Variants in MAST4 observed in about 807,000 individuals in gnomAD.
MAST4 encodes microtubule associated serine/threonine kinase family member 4, also known as microtubule-associated serine/threonine-protein kinase 4.
Under a neutral mutation model 162.7 loss-of-function variants are expected in MAST4, and 89 were observed. That is an observed-to-expected ratio of 0.55 (90% confidence interval 0.46 to 0.65). MAST4 has a LOEUF of 0.65. MAST4 is among the 30% of genes least tolerant of loss of function. The pLI, the probability that MAST4 is intolerant of heterozygous loss-of-function variation, is 0.00. For synonymous variants in MAST4, 1,479 were observed against 1,361.1 expected (o/e 1.09, Z -1.91); for missense variants, 3,153 against 3,374.0 (o/e 0.93, Z 1.62).
rs538274808 is a variant in MAST4, at chr5:66,954,900, C to CA, written c.674+54928dup. 6.7e-4 allele frequency among the ~76,000 whole-genome samples: 94 copies of CA among 139,422 alleles called. 1 individual carries two copies. Among genetic ancestry groups the CA allele is most frequent in the South Asian group, 1.5e-3 (7 of 4,560 alleles). 91.5% of individuals were successfully genotyped at this position (139,422 alleles called of 152,430 possible). On this transcript the variant is annotated intron_variant, in intron 4 of 28. Transcript: ENST00000403625. ...TGGGCAACAGAGCAAGACTCTGTCT[C>CA]AAAAAAAAAAGGGAGAAAGGCCAGA...
intron 3 of MAST4, among the ~76,000 whole-genome samples, chr5:66,791,957 T>C (rs1393607511): frequency 6.6e-6 from 1 of 152,214 alleles, no homozygotes; most frequent in Non-Finnish European, 1.5e-5. Context: ...TATTTTGACG[T>C]GTCACTCAAG....
rs369887599 is a variant in MAST4, at chr5:67,149,503, G to A, written c.3209G>A (p.Arg1070Gln). ...SEPASHMARQRLESTEKKKIS... is the reference protein window; with the variant it reads ...SEPASHMARQQLESTEKKKIS... ...CCCGCTTCTCACATGGCTCGGCAGC[G>A]ATTAGAAAGCACAGAAAAAAAGAAA... The change falls in exon 24 of 29, where the codon CGA becomes CAA. Residue 1070 changes from arginine (R) to glutamine (Q), a missense_variant. Arg to Gln is a conservative substitution (Grantham distance 43). Around this residue, in one of 7 missense-constraint regions of MAST4, gnomAD observed 619 missense variants for 744.2 expected, o/e 0.83. Transcript: ENST00000403625. 36 of 1,613,600 alleles carry A rather than the reference G, an allele frequency of 2.2e-5. No individual in the cohort carries two copies. Among genetic ancestry groups the A allele is most frequent in the South Asian group, 1.1e-4 (10 of 90,970 alleles).
intron 4 of MAST4, among the ~76,000 whole-genome samples, chr5:67,046,913 A>G (rs1757438104): frequency 6.6e-6 from 1 of 152,154 alleles, no homozygotes; most frequent in South Asian, 2.1e-4. Context: ...GTATCAAGCC[A>G]ATAAGGTCAA....
intron 1 of MAST4, among the ~76,000 whole-genome samples, chr5:66,711,791 T>C (rs1340356103): frequency 1.3e-5 from 2 of 152,174 alleles, no homozygotes; most frequent in African/African-American, 4.8e-5. Context: ...GCCGAGATCA[T>C]GCCATTGCAC....
At chr5:66,736,761 A>C (rs1315167022) in intron 1 of MAST4, among the ~76,000 whole-genome samples, 1 of 152,194 alleles carries the variant, frequency 6.6e-6, no homozygotes, top group Non-Finnish European at 1.5e-5. Flanking sequence ...ATGGTGTGAT[A>C]CACAGAGATG....
chr5:66,828,694 C>A (rs1464933932), intron 3 of MAST4: 2 of 1,202,552 alleles, frequency 1.7e-6, no homozygotes, highest in Admixed American at 4.5e-5. Flanking sequence ...GAGTGAATAA[C>A]TAAGCTGGAC....
At chr5:67,046,164 T>C (rs1450831768) in intron 4 of MAST4, among the ~76,000 whole-genome samples, 1 of 152,054 alleles carries the variant, frequency 6.6e-6, no homozygotes, top group Admixed American at 6.5e-5. Context: ...CCATCTAGGT[T>C]TGTGTAAGCG....
At chr5:67,006,964 C>T (rs1752111488) in intron 4 of MAST4, among the ~76,000 whole-genome samples, 1 of 152,092 alleles carries the variant, frequency 6.6e-6, no homozygotes, top group Non-Finnish European at 1.5e-5. Flanking sequence ...TTATGACAGC[C>T]TGTTTGTTGC....
rs80227292 is a variant in MAST4 at position 66,792,388 on chromosome 5, C to T, written c.642+3594C>T. ...TCGTTTTTGTTCTTTGTGTTTATGT[C>T]GAATACCTCCCTGCTAGACTGCAAG... On this transcript the variant is annotated intron_variant, in intron 3 of 28. Transcript: ENST00000403625. 646 of 167,496 alleles carry T rather than the reference C, an allele frequency of 3.9e-3. 16 individuals are homozygous for T. In the East Asian group the frequency reaches 0.04, roughly 10 times the overall value. The allele number at this position is 167,496 out of a possible 1,614,324, so 10.4% of individuals were successfully genotyped here.
At chr5:67,068,256 G>A (rs1437763119) in intron 5 of MAST4, among the ~76,000 whole-genome samples, 1 of 152,182 alleles carries the variant, frequency 6.6e-6, no homozygotes, top group African/African-American at 2.4e-5. Context: ...TTCTCATGCT[G>A]CTATGAAGAA....
At chr5:66,747,598 G>A (rs534738068) in intron 1 of MAST4, among the ~76,000 whole-genome samples, 1 of 152,148 alleles carries the variant, frequency 6.6e-6, no homozygotes, top group Non-Finnish European at 1.5e-5. Context: ...GATTCTATCT[G>A]TGCTCTTCCT....
intron 1 of MAST4, among the ~76,000 whole-genome samples, chr5:66,687,541 T>G (rs780624647): frequency 7.9e-5 from 12 of 151,956 alleles, no homozygotes; most frequent in Non-Finnish European, 1.3e-4. Context: ...TATATATGTA[T>G]GTATACATAT....
chr5:66,946,631 A>G (rs1201279092), intron 4 of MAST4, among the ~76,000 whole-genome samples: 1 of 152,194 alleles, frequency 6.6e-6, no homozygotes, highest in East Asian at 1.9e-4. Flanking sequence ...GGTTTTGCCA[A>G]CAGTAAATGA....
chr5:66,966,785 A>G (rs1354600828), intron 4 of MAST4, among the ~76,000 whole-genome samples: 1 of 152,246 alleles, frequency 6.6e-6, no homozygotes, highest in Non-Finnish European at 1.5e-5. Context: ...AAGTTGATGA[A>G]ATAAAGGTGC....
intron 5 of MAST4, among the ~76,000 whole-genome samples, chr5:67,062,217 T>C (rs1287368667): frequency 6.6e-6 from 1 of 152,132 alleles, no homozygotes; most frequent in African/African-American, 2.4e-5. Context: ...CTGGCCAACA[T>C]GGTGAAACCA....
chr5:66,973,745 T>C (rs1747760216), intron 4 of MAST4, among the ~76,000 whole-genome samples: 1 of 152,240 alleles, frequency 6.6e-6, no homozygotes, highest in African/African-American at 2.4e-5. Flanking sequence ...TATTAATTGG[T>C]GTTCTTCAGT....
intron 3 of MAST4, among the ~76,000 whole-genome samples, chr5:66,869,923 T>G (rs369279819): frequency 2.0e-5 from 3 of 152,270 alleles, no homozygotes; most frequent in African/African-American, 7.2e-5. Flanking sequence ...AGTACTTGCT[T>G]CTTAAGTTTG....
chr5:66,642,364 TAA>T (rs1266144645), intron 1 of MAST4, among the ~76,000 whole-genome samples: 2 of 152,194 alleles, frequency 1.3e-5, no homozygotes, highest in African/African-American at 4.8e-5. Context: ...ATAAAAAACT[TAA>T]GTGTATCAAT....
intron 3 of MAST4, among the ~76,000 whole-genome samples, chr5:66,813,295 G>A (rs1223197685): frequency 6.6e-6 from 1 of 152,156 alleles, no homozygotes; most frequent in African/African-American, 2.4e-5. Flanking sequence ...TGCTGATTCT[G>A]GGTATAAGCA....
Sources: allele counts gnomAD v4.1 joint callset (sites outside exome capture counted in the v4.1 genomes callset), GRCh38; gene constraint gnomAD v4.1.1; regional missense constraint gnomAD v4.1.1; transcripts MANE v1.5; gene names NCBI Gene and HGNC (gene_info 2026-07-23, HGNC 2026-07-21).